Variants in CYP27A1 observed in about 807,000 individuals in gnomAD.
CYP27A1 encodes the protein cytochrome P450 family 27 subfamily A member 1, also known as sterol 26-hydroxylase, mitochondrial.
In CYP27A1, 46 loss-of-function variants were observed where a neutral mutation model predicts 58.2. That is an observed-to-expected ratio of 0.79 (90% CI 0.62 to 1.01). The LOEUF (loss-of-function observed/expected upper bound fraction) is 1.01. CYP27A1 is among the 50% of genes least tolerant of loss of function. CYP27A1 has a pLI of 0.00. For missense variants in CYP27A1, 704 were observed against 687.0 expected, an observed-to-expected ratio of 1.02 and a Z score of -0.28; for synonymous variants, 274 against 285.1, an observed-to-expected ratio of 0.96 and a Z score of 0.39.
intron 1 of CYP27A1, among the ~76,000 whole-genome samples, chr2:218,783,547 G>A (rs1003177203): frequency 3.9e-5 from 6 of 152,198 alleles, no homozygotes; most frequent in Non-Finnish European, 8.8e-5. Context: ...TCTAGGCATG[G>A]TTCCAAGTAC....
In CYP27A1 at chr2:218,814,381, C is replaced by G; in HGVS notation, c.1186C>G (p.Leu396Val). 6.2e-7 allele frequency: 1 copy of G among 1,614,108 alleles called. No individual in the cohort carries two copies. The highest frequency in any genetic ancestry group is 8.5e-7 in the Non-Finnish European group (1 of 1,179,920). ...LKAVLKETLR[L>V]YPVVPTNSRI... Reference sequence around the variant, plus strand: ...CTCCAGACATTCTTTTCCCTGCAGTCTCTACCCTGTGGTCCCCACAAACTC... The same window carrying G: ...CTCCAGACATTCTTTTCCCTGCAGTGTCTACCCTGTGGTCCCCACAAACTC... Residue 396 changes from leucine to valine, a missense_variant and splice_region_variant, in exon 7 of 9, where the codon CTC becomes GTC. Coordinates refer to ENST00000258415, the MANE Select transcript of CYP27A1 (RefSeq NM_000784.4).
At chr2:218,806,495 A>G (rs1252801798) in intron 1 of CYP27A1, among the ~76,000 whole-genome samples, 1 of 152,278 alleles carries the variant, frequency 6.6e-6, no homozygotes, top group Non-Finnish European at 1.5e-5. Flanking sequence ...GCTACAACAT[A>G]GAATTATCCA....
Position 218,814,617 on chromosome 2 carries a change from C to T in CYP27A1, c.1336C>T (p.Pro446Ser), listed in dbSNP as rs753166698. 1.9e-6 allele frequency: 3 copies of T among 1,614,208 alleles called. No homozygotes were observed. In the South Asian group the frequency reaches 3.3e-5, roughly 18 times the overall value. ...TAFSEPESFQ[P>S]HRWLRNSQPA... Reference sequence around the variant, plus strand: ...CTTCTCTGAGCCTGAAAGCTTCCAGCCCCACCGCTGGCTGAGAAACAGCCA... The same window carrying T: ...CTTCTCTGAGCCTGAAAGCTTCCAGTCCCACCGCTGGCTGAGAAACAGCCA... The change falls in exon 8 of 9, where the codon CCC becomes TCC. Residue 446 changes from proline (P) to serine (S), a missense_variant. Pro to Ser is a moderately conservative substitution (Grantham distance 74). Coordinates refer to ENST00000258415, the MANE Select transcript of CYP27A1 (RefSeq NM_000784.4).
At chr2:218,793,761 C>T (rs1028822437) in intron 1 of CYP27A1, among the ~76,000 whole-genome samples, 11 of 149,864 alleles carry the variant, frequency 7.3e-5, no homozygotes, top group African/African-American at 2.7e-4. Context: ...TTCACCCAGG[C>T]TGGAGTGCAG....
chr2:218,793,538 C>T (rs189181238), intron 1 of CYP27A1, among the ~76,000 whole-genome samples: 1 of 152,128 alleles, frequency 6.6e-6, no homozygotes, highest in East Asian at 1.9e-4. Context: ...ATTTTACTGT[C>T]TTATTAACAC....
chr2:218,786,072 A>C (rs1943437794), intron 1 of CYP27A1, among the ~76,000 whole-genome samples: 2 of 152,178 alleles, frequency 1.3e-5, no homozygotes, highest in South Asian at 4.1e-4. Context: ...GGATCCCTTG[A>C]GTTCAGGAGT....
chr2:218,813,944 A>T (rs2105980829), intron 5 of CYP27A1, 77 bp from the exon 6 acceptor site: 1 of 1,524,618 alleles, frequency 6.6e-7, no homozygotes, highest in Non-Finnish European at 9.1e-7. Flanking sequence ...TTTTGCATAC[A>T]CCCACTCATA....
chr2:218,783,269 A>C (rs561760847), intron 1 of CYP27A1, among the ~76,000 whole-genome samples: 1 of 151,460 alleles, frequency 6.6e-6, no homozygotes, highest in South Asian at 2.1e-4. Flanking sequence ...AAAAAAAAAA[A>C]AAAAAAAGAA....
At chr2:218,793,613 C>T (rs2105972966) in intron 1 of CYP27A1, among the ~76,000 whole-genome samples, 1 of 152,058 alleles carries the variant, frequency 6.6e-6, no homozygotes, top group South Asian at 2.1e-4. Context: ...CATATTAAAA[C>T]TAATTTTAAT....
intron 5 of CYP27A1, among the ~76,000 whole-genome samples, chr2:218,813,552 G>T (rs1331295971): frequency 6.6e-6 from 1 of 151,956 alleles, no homozygotes; most frequent in Non-Finnish European, 1.5e-5. Flanking sequence ...CAGCCTCCCA[G>T]GTAGCTGGGA....
At chr2:218,800,532 T>C (rs1943590300) in intron 1 of CYP27A1, among the ~76,000 whole-genome samples, 1 of 152,204 alleles carries the variant, frequency 6.6e-6, no homozygotes, top group South Asian at 2.1e-4. Context: ...TACGATTACA[T>C]GCTAATTTTG....
rs191476677 is a variant in CYP27A1 at position 218,792,594 on chromosome 2, C to T, written c.255+10157C>T. Among the ~76,000 whole-genome samples the T allele has an allele frequency of 1.0e-3, 159 of 152,178 alleles. 1 individual carries two copies. The highest frequency in any genetic ancestry group is 3.6e-3 in the African/African-American group (150 of 41,526). ...AAAGACATCATATTCTAGGATTTTG[C>T]GTGTTTGTGAAATTTTCATAAACTG... On this transcript the variant is annotated intron_variant, in intron 1 of 8. Coordinates refer to ENST00000258415, the MANE Select transcript of CYP27A1 (RefSeq NM_000784.4).
At chr2:218,799,054 T>G (rs1036237669) in intron 1 of CYP27A1, among the ~76,000 whole-genome samples, 1 of 152,162 alleles carries the variant, frequency 6.6e-6, no homozygotes, top group Non-Finnish European at 1.5e-5. Context: ...ACCTTCAGAT[T>G]CAAGATTGGA....
At chr2:218,787,341 T>C (rs1943450308) in intron 1 of CYP27A1, among the ~76,000 whole-genome samples, 1 of 152,300 alleles carries the variant, frequency 6.6e-6, no homozygotes, top group East Asian at 1.9e-4. Context: ...GAAAAGACAA[T>C]GAGGGAGGTG....
chr2:218,783,759 A>T (rs1943417145), intron 1 of CYP27A1, among the ~76,000 whole-genome samples: 1 of 152,192 alleles, frequency 6.6e-6, no homozygotes, highest in Non-Finnish European at 1.5e-5. Flanking sequence ...AGGGACTGAT[A>T]GGAGTAGGCT....
chr2:218,807,145 G>A (rs1338641597), intron 1 of CYP27A1, among the ~76,000 whole-genome samples: 2 of 151,788 alleles, frequency 1.3e-5, no homozygotes, highest in Non-Finnish European at 2.9e-5. Flanking sequence ...ATTTTTAGTA[G>A]AGACGGCGTT....
In CYP27A1 at chr2:218,814,901, T is replaced by C. The variant is rs372756101; in HGVS notation, c.1477-10T>C. ...AATCCACCCAACCACATGTGCTCTT[T>C]ACCCCCCAGCTGATCCAGAAGTACA... On this transcript the variant is annotated splice_polypyrimidine_tract_variant and intron_variant, in intron 8 of 8. Coordinates refer to ENST00000258415, the MANE Select transcript of CYP27A1 (RefSeq NM_000784.4). 27 of 1,614,092 alleles carry C rather than the reference T, an allele frequency of 1.7e-5. No individual in the cohort carries two copies. The highest frequency in any genetic ancestry group is 2.2e-5 in the Non-Finnish European group (26 of 1,180,038).
chr2:218,800,726 C>T (rs761838544), intron 1 of CYP27A1, among the ~76,000 whole-genome samples: 4 of 152,200 alleles, frequency 2.6e-5, no homozygotes, highest in South Asian at 2.1e-4. Context: ...TCTTAATAAG[C>T]GCTTGTGAAA....
At chr2:218,788,085 A>G (rs1419147276) in intron 1 of CYP27A1, among the ~76,000 whole-genome samples, 1 of 152,266 alleles carries the variant, frequency 6.6e-6, no homozygotes, top group Non-Finnish European at 1.5e-5. Flanking sequence ...CAAATGGGCA[A>G]AATGGAGAGG....
Sources: gnomAD v4.1 joint callset for allele counts (sites outside exome capture counted in the v4.1 genomes callset) on GRCh38, gnomAD v4.1.1 for gene constraint, MANE v1.5 for transcripts, NCBI Gene and HGNC (gene_info 2026-07-23, HGNC 2026-07-21) for gene names.